Variants in NME7 observed in about 807,000 individuals in gnomAD.
The protein encoded by NME7 is NME/NM23 family member 7.
Under a neutral mutation model 49.1 loss-of-function variants are expected in NME7, and 41 were observed. The ratio of observed to expected loss-of-function variants is 0.83; its 90% CI spans 0.65 to 1.08. NME7 has a LOEUF of 1.08. Among genes scored for constraint, NME7 ranks in the 50% least tolerant of loss-of-function variants. The pLI is 0.00. For missense variants in NME7, 423 were observed against 463.4 expected, an observed-to-expected ratio of 0.91 and a Z score of 0.80; for synonymous variants, 139 against 150.6, an observed-to-expected ratio of 0.92 and a Z score of 0.56.
intron 10 of NME7, among the ~76,000 whole-genome samples, chr1:169,178,137 C>A (rs1449859775): frequency 3.9e-5 from 6 of 152,168 alleles, no homozygotes; most frequent in Non-Finnish European, 7.3e-5. Flanking sequence ...CCGTGCCCAG[C>A]CTCTCCTCTT....
At chr1:169,206,788 T>C (rs1473940950) in intron 10 of NME7, among the ~76,000 whole-genome samples, 1 of 152,168 alleles carries the variant, frequency 6.6e-6, no homozygotes, top group Non-Finnish European at 1.5e-5. Flanking sequence ...TGACTGTAAA[T>C]GATGTTTTAA....
At chr1:169,147,100 C>A (rs1658778987) in intron 11 of NME7, among the ~76,000 whole-genome samples, 1 of 152,160 alleles carries the variant, frequency 6.6e-6, no homozygotes, top group Non-Finnish European at 1.5e-5. Context: ...TTGCTGCTGA[C>A]AATACAGCAG....
At chr1:169,257,891 C>T (rs1253639308) in intron 7 of NME7, among the ~76,000 whole-genome samples, 2 of 133,894 alleles carry the variant, frequency 1.5e-5, no homozygotes, top group Non-Finnish European at 3.5e-5. Context: ...AAGGTTTCTG[C>T]TGAGGAAATC....
chr1:169,251,614 G>T, intron 7 of NME7, among the ~76,000 whole-genome samples: 1 of 144,718 alleles, frequency 6.9e-6, no homozygotes, highest in East Asian at 2.0e-4. Context: ...CATTGTGCAG[G>T]TTAGTTACAT....
intron 7 of NME7, among the ~76,000 whole-genome samples, chr1:169,259,818 T>TTTTA (rs1301965325): frequency 7.5e-6 from 1 of 134,182 alleles, no homozygotes; most frequent in African/African-American, 2.5e-5. Context: ...AAGAATAACT[T>TTTTA]TTAAAAACGG....
At chr1:169,269,763 A>T (rs552720243) in intron 7 of NME7, among the ~76,000 whole-genome samples, 1 of 134,426 alleles carries the variant, frequency 7.4e-6, no homozygotes, top group South Asian at 2.3e-4. Flanking sequence ...CTAAATTTAC[A>T]AATTGGTCAA....
chr1:169,223,399 CTA>C (rs1457542985), intron 10 of NME7, among the ~76,000 whole-genome samples: 2 of 151,518 alleles, frequency 1.3e-5, no homozygotes, highest in Admixed American at 6.6e-5. Flanking sequence ...GATTTTGAAA[CTA>C]TATATATCCC....
intron 7 of NME7, among the ~76,000 whole-genome samples, chr1:169,255,310 T>A (rs12066921): frequency 0.039 from 4,705 of 121,888 alleles, 61 homozygotes; most frequent in Admixed American, 0.1. Flanking sequence ...CCCTTTACCA[T>A]TATGTAATGG....
intron 7 of NME7, chr1:169,284,049 C>T (rs544784461): frequency 5.8e-4 from 89 of 152,292 alleles, no homozygotes; most frequent in African/African-American, 2.1e-3. Flanking sequence ...TGTTTTCCGA[C>T]TTGGTCCCAT....
chr1:169,185,641 A>G (rs1660043831), intron 10 of NME7, among the ~76,000 whole-genome samples: 1 of 152,020 alleles, frequency 6.6e-6, no homozygotes, highest in Non-Finnish European at 1.5e-5. Flanking sequence ...GAGTTAATAA[A>G]CCTCTGTGCT....
At chr1:169,218,357 T>C (rs1250259997) in intron 10 of NME7, among the ~76,000 whole-genome samples, 1 of 152,144 alleles carries the variant, frequency 6.6e-6, no homozygotes. Flanking sequence ...CACCGGATAC[T>C]GAGGCAGGAG....
chr1:169,153,048 A>C (rs551307906), intron 11 of NME7, among the ~76,000 whole-genome samples: 38 of 152,206 alleles, frequency 2.5e-4, no homozygotes, highest in Non-Finnish European at 3.7e-4. Context: ...TCGTTGACCT[A>C]GTTTGCTGTA....
intron 3 of NME7, among the ~76,000 whole-genome samples, chr1:169,310,377 C>T (rs1043912172): frequency 6.6e-6 from 1 of 152,078 alleles, no homozygotes; most frequent in African/African-American, 2.4e-5. Context: ...CATTTAGAAT[C>T]TCCATTTCTT....
intron 1 of NME7, among the ~76,000 whole-genome samples, chr1:169,367,398 C>T (rs1653913482): frequency 6.6e-6 from 1 of 152,290 alleles, no homozygotes; most frequent in Non-Finnish European, 1.5e-5. Context: ...AATCTGTGAA[C>T]ATGAAAAATG....
Position 169,259,553 on chromosome 1 carries a change from T to C in NME7, c.755-21866A>G, listed in dbSNP as rs1457465635. On this transcript the variant is annotated intron_variant, in intron 7 of 11. Coordinates refer to ENST00000367811, the MANE Select transcript of NME7 (RefSeq NM_013330.5). ...AAGTGATTTTTAAAATAGACATTTGTCTGTATTTCTAAATTTTTCTACTAA... is the reference window on the plus strand; with the variant it reads ...AAGTGATTTTTAAAATAGACATTTGCCTGTATTTCTAAATTTTTCTACTAA... Among the ~76,000 whole-genome samples the C allele has an allele frequency of 2.2e-5, 3 of 133,876 alleles. 1 individual carries two copies. The highest frequency in any genetic ancestry group is 5.3e-5 in the Non-Finnish European group (3 of 56,874). 87.8% of individuals were successfully genotyped at this position (133,876 alleles called of 152,430 possible). A position where few individuals can be genotyped will look rare whatever the true frequency, so the allele number is the denominator to read the frequency against.
At chr1:169,307,871 T>G (rs564604169) in intron 4 of NME7, among the ~76,000 whole-genome samples, 8 of 152,004 alleles carry the variant, frequency 5.3e-5, no homozygotes, top group Non-Finnish European at 1.2e-4. Context: ...AATACAAAAA[T>G]TACCCGGGCG....
At chr1:169,243,057 T>C (rs12120960) in intron 7 of NME7, among the ~76,000 whole-genome samples, 36,668 of 151,930 alleles carry the variant, frequency 0.24, 5,457 homozygotes, top group Non-Finnish European at 0.34. Flanking sequence ...ATTCTAAAAT[T>C]ATATGGTAAG....
intron 1 of NME7, among the ~76,000 whole-genome samples, chr1:169,366,020 A>G (rs1018672767): frequency 1.6e-4 from 24 of 152,332 alleles, no homozygotes; most frequent in African/African-American, 5.8e-4. Flanking sequence ...GTGTCCGGGA[A>G]GCAACTGAGT....
At chr1:169,304,867 G>A (rs556420696) in intron 4 of NME7, among the ~76,000 whole-genome samples, 11 of 152,198 alleles carry the variant, frequency 7.2e-5, no homozygotes, top group South Asian at 2.1e-4. Flanking sequence ...AAAGAGATAC[G>A]TATATACTGC....
Sources: allele counts gnomAD v4.1 joint callset (sites outside exome capture counted in the v4.1 genomes callset), GRCh38; gene constraint gnomAD v4.1.1; transcripts MANE v1.5; gene names NCBI Gene and HGNC (gene_info 2026-07-23, HGNC 2026-07-21).